Variants in DSCAM observed in about 807,000 individuals in gnomAD.
DSCAM encodes the protein DS cell adhesion molecule.
In DSCAM, 47 loss-of-function variants were observed where a neutral mutation model predicts 217.7. The observed-to-expected ratio is 0.22, with a 90% CI of 0.17 to 0.28. The LOEUF (loss-of-function observed/expected upper bound fraction) is 0.28. Ranked by LOEUF, DSCAM falls within the 10% of genes least tolerant of loss-of-function variation. The pLI, the probability that DSCAM is intolerant of heterozygous loss-of-function variation, is 1.00. For missense variants in DSCAM, 2,080 were observed against 2,618.3 expected, an observed-to-expected ratio of 0.79 and a Z score of 4.49; for synonymous variants, 1,056 against 1,015.3, an observed-to-expected ratio of 1.04 and a Z score of -0.76.
At chr21:40,192,571 T>A (rs556472806) in intron 11 of DSCAM, among the ~76,000 whole-genome samples, 1 of 152,342 alleles carries the variant, frequency 6.6e-6, no homozygotes, top group South Asian at 2.1e-4. Context: ...CCTTCCTTTA[T>A]AAATTACCCA....
At chr21:40,262,867 A>C (rs556213197) in intron 11 of DSCAM, among the ~76,000 whole-genome samples, 35 of 152,326 alleles carry the variant, frequency 2.3e-4, no homozygotes, top group Non-Finnish European at 5.1e-4. Flanking sequence ...TCTTGAATCA[A>C]TGAAAAGAAT....
intron 1 of DSCAM, among the ~76,000 whole-genome samples, chr21:40,766,990 A>C (rs1444334912): frequency 6.6e-6 from 1 of 152,084 alleles, no homozygotes; most frequent in Non-Finnish European, 1.5e-5. Context: ...CCAGCCAAAA[A>C]ACCTTTCTTA....
chr21:40,253,005 T>C (rs1312199852), intron 11 of DSCAM, among the ~76,000 whole-genome samples: 1 of 152,188 alleles, frequency 6.6e-6, no homozygotes, highest in Non-Finnish European at 1.5e-5. Context: ...ATGGAATTTA[T>C]ATTCTTCTGT....
chr21:40,709,081 G>C (rs1197387164), intron 1 of DSCAM, among the ~76,000 whole-genome samples: 1 of 152,128 alleles, frequency 6.6e-6, no homozygotes, highest in Non-Finnish European at 1.5e-5. Flanking sequence ...CCATTGGACT[G>C]TATATATTTT....
chr21:40,304,717 G>A (rs1159786749), intron 9 of DSCAM, among the ~76,000 whole-genome samples: 1 of 152,190 alleles, frequency 6.6e-6, no homozygotes, highest in South Asian at 2.1e-4. Flanking sequence ...GTCTTAGGAA[G>A]TAGGGAAGCT....
chr21:40,298,727 T>A (rs963798722), intron 9 of DSCAM, among the ~76,000 whole-genome samples: 2 of 152,138 alleles, frequency 1.3e-5, no homozygotes, highest in African/African-American at 2.4e-5. Context: ...GCCATCCACA[T>A]TCTGTGCTCC....
chr21:40,616,818 C>A (rs1291598972), intron 3 of DSCAM, among the ~76,000 whole-genome samples: 2 of 151,848 alleles, frequency 1.3e-5, no homozygotes, highest in Non-Finnish European at 2.9e-5. Flanking sequence ...GAGATCGAGA[C>A]AATCCCGGCT....
At chr21:40,154,200 CCTCCCTTCCT>C in intron 16 of DSCAM, among the ~76,000 whole-genome samples, 4 of 151,360 alleles carry the variant, frequency 2.6e-5, no homozygotes, top group African/African-American at 9.7e-5. Context: ...TTCCTTCCTT[CCTCCCTTCCT>C]TTCCTTCCTT....
chr21:40,496,870 G>A (rs2076122618), intron 3 of DSCAM, among the ~76,000 whole-genome samples: 1 of 151,944 alleles, frequency 6.6e-6, no homozygotes, highest in Admixed American at 6.6e-5. Context: ...CATTCAAAAG[G>A]CCAATCGATA....
intron 3 of DSCAM, among the ~76,000 whole-genome samples, chr21:40,680,544 G>C (rs9976496): frequency 0.5 from 63,138 of 126,308 alleles, 13,944 homozygotes; most frequent in East Asian, 0.67. Context: ...AGAGCACACA[G>C]GATCTGTGTA....
At chr21:40,266,221 T>C (rs2073524856) in intron 11 of DSCAM, among the ~76,000 whole-genome samples, 1 of 126,026 alleles carries the variant, frequency 7.9e-6, no homozygotes, top group Non-Finnish European at 1.6e-5. Flanking sequence ...AAAGAAGATA[T>C]ACAAATGGCC....
At chr21:40,599,215 A>G (rs775701906) in intron 3 of DSCAM, among the ~76,000 whole-genome samples, 3 of 151,742 alleles carry the variant, frequency 2.0e-5, no homozygotes, top group Non-Finnish European at 4.4e-5. Context: ...TTTTATTATT[A>G]TTATTTTACT....
chr21:40,315,161 G>A (rs967496598), intron 8 of DSCAM, among the ~76,000 whole-genome samples: 3 of 152,150 alleles, frequency 2.0e-5, no homozygotes, highest in Non-Finnish European at 4.4e-5. Context: ...CACTTTGGGA[G>A]GCCCAGGTGG....
intron 10 of DSCAM, among the ~76,000 whole-genome samples, chr21:40,276,492 AAACT>A (rs1447043269): frequency 1.3e-5 from 2 of 152,250 alleles, no homozygotes; most frequent in Admixed American, 6.5e-5. Context: ...TCTGAGATAA[AAACT>A]AACAGAACTT....
intron 9 of DSCAM, among the ~76,000 whole-genome samples, chr21:40,303,562 T>C (rs2074039350): frequency 6.6e-6 from 1 of 152,192 alleles, no homozygotes. Context: ...ATCTCTTCCC[T>C]TCACTAGACT....
intron 18 of DSCAM, among the ~76,000 whole-genome samples, chr21:40,135,128 C>T (rs922482596): frequency 6.6e-6 from 1 of 152,146 alleles, no homozygotes; most frequent in African/African-American, 2.4e-5. Flanking sequence ...ATGAGAAGGG[C>T]CTGAGAACTG....
At chr21:40,685,110 T>C (rs2090458847) in intron 3 of DSCAM, among the ~76,000 whole-genome samples, 1 of 152,208 alleles carries the variant, frequency 6.6e-6, no homozygotes, top group Non-Finnish European at 1.5e-5. Flanking sequence ...ATAAAGTACA[T>C]AAAGCATAGA....
intron 11 of DSCAM, among the ~76,000 whole-genome samples, chr21:40,190,444 A>C (rs898935716): frequency 5.9e-5 from 9 of 152,210 alleles, no homozygotes; most frequent in African/African-American, 2.2e-4. Context: ...GAGACCTCCA[A>C]AGCCAGGCTC....
chr21:40,224,506 T>C (rs2091314260), intron 11 of DSCAM, among the ~76,000 whole-genome samples: 1 of 152,210 alleles, frequency 6.6e-6, no homozygotes, highest in Non-Finnish European at 1.5e-5. Flanking sequence ...CTAGAGGCAA[T>C]GACACTGATG....
Sources: gnomAD v4.1 joint callset for allele counts (sites outside exome capture counted in the v4.1 genomes callset) on GRCh38, gnomAD v4.1.1 for gene constraint, MANE v1.5 for transcripts, NCBI Gene and HGNC (gene_info 2026-07-23, HGNC 2026-07-21) for gene names.